PCDH9: variants seen among roughly 807,000 people sequenced by gnomAD.
PCDH9 encodes the protein protocadherin-9.
A neutral mutation model predicts 70.6 loss-of-function variants in PCDH9; 24 were observed. That is an observed-to-expected ratio of 0.34 (90% CI 0.25 to 0.48). The LOEUF (loss-of-function observed/expected upper bound fraction) is 0.48, where lower values mean the gene tolerates loss of function less well. Among genes scored for constraint, PCDH9 ranks in the 20% least tolerant of loss-of-function variants. PCDH9 has a pLI of 0.99. For missense variants in PCDH9, 1,281 were observed against 1,503.6 expected, an observed-to-expected ratio of 0.85 and a Z score of 2.45; for synonymous variants, 562 against 558.5, an observed-to-expected ratio of 1.01 and a Z score of -0.09.
intron 3 of PCDH9, among the ~76,000 whole-genome samples, chr13:66,817,378 CTCTT>C (rs1317752523): frequency 5.3e-5 from 8 of 152,174 alleles, no homozygotes; most frequent in Admixed American, 2.0e-4. Context: ...CCCTCTCATT[CTCTT>C]TCTGTTTGAT....
chr13:67,156,007 AG>A (rs1488702113), intron 2 of PCDH9, among the ~76,000 whole-genome samples: 1 of 152,068 alleles, frequency 6.6e-6, no homozygotes, highest in Non-Finnish European at 1.5e-5. Flanking sequence ...GCTCAAATAC[AG>A]TATCTTTAAG....
intron 4 of PCDH9, among the ~76,000 whole-genome samples, chr13:66,559,965 C>A: frequency 6.6e-6 from 1 of 151,560 alleles, no homozygotes; most frequent in Admixed American, 6.6e-5. Flanking sequence ...TAATGAATAT[C>A]TATCTTATTT....
chr13:66,656,723 T>G (rs1320025251), intron 3 of PCDH9, among the ~76,000 whole-genome samples: 2 of 152,198 alleles, frequency 1.3e-5, no homozygotes, highest in African/African-American at 2.4e-5. Context: ...AAGTGCTTCA[T>G]ATTCACTAGA....
intron 3 of PCDH9, among the ~76,000 whole-genome samples, chr13:66,651,337 T>C (rs899249376): frequency 6.6e-6 from 1 of 151,850 alleles, no homozygotes; most frequent in African/African-American, 2.4e-5. Context: ...TTACCACTGA[T>C]ACAACAGAAT....
At chr13:67,034,246 G>A (rs545849595) in intron 2 of PCDH9, among the ~76,000 whole-genome samples, 1 of 152,042 alleles carries the variant, frequency 6.6e-6, no homozygotes, top group East Asian at 1.9e-4. Flanking sequence ...GCCTCCCAAA[G>A]TGCTGGGATT....
chr13:67,188,279 A>G (rs2088813328), intron 2 of PCDH9, among the ~76,000 whole-genome samples: 1 of 152,148 alleles, frequency 6.6e-6, no homozygotes, highest in African/African-American at 2.4e-5. Flanking sequence ...TATAAAAGAT[A>G]TTTTATGTCA....
chr13:66,899,956 T>G (rs1307779992), intron 3 of PCDH9, among the ~76,000 whole-genome samples: 1 of 151,946 alleles, frequency 6.6e-6, no homozygotes, highest in East Asian at 1.9e-4. Flanking sequence ...GAAGGTAAAG[T>G]CTTTAGATTA....
chr13:66,976,864 C>T (rs1359191), intron 2 of PCDH9, among the ~76,000 whole-genome samples: 86,977 of 151,900 alleles, frequency 0.57, 26,492 homozygotes, highest in Middle Eastern at 0.72. Flanking sequence ...ATAGGACCAC[C>T]TTTATTATCA....
chr13:66,531,129 T>A (rs1163107305), intron 4 of PCDH9, among the ~76,000 whole-genome samples: 1 of 151,906 alleles, frequency 6.6e-6, no homozygotes, highest in African/African-American at 2.4e-5. Flanking sequence ...GTTTTAAATA[T>A]TTTTTGTGTT....
intron 3 of PCDH9, among the ~76,000 whole-genome samples, chr13:66,752,683 C>A (rs920211764): frequency 6.6e-6 from 1 of 152,090 alleles, no homozygotes; most frequent in African/African-American, 2.4e-5. Context: ...CAGAATTAAC[C>A]AGAGAGAGTG....
At chr13:66,929,891 T>C (rs1272224079) in intron 2 of PCDH9, among the ~76,000 whole-genome samples, 3 of 152,114 alleles carry the variant, frequency 2.0e-5, no homozygotes, top group African/African-American at 7.2e-5. Flanking sequence ...CTGAAAGAGA[T>C]ATTGAGCTCT....
At chr13:66,541,998 A>T (rs1354887207) in intron 4 of PCDH9, among the ~76,000 whole-genome samples, 1 of 152,090 alleles carries the variant, frequency 6.6e-6, no homozygotes, top group African/African-American at 2.4e-5. Flanking sequence ...AGTTCCTACA[A>T]TGTTTGTTTG....
chr13:66,346,999 G>T (rs540676854), intron 4 of PCDH9, among the ~76,000 whole-genome samples: 1 of 152,166 alleles, frequency 6.6e-6, no homozygotes, highest in African/African-American at 2.4e-5. Context: ...TTAAGATTAT[G>T]GGGATATATT....
chr13:67,172,438 G>A (rs1254646581), intron 2 of PCDH9, among the ~76,000 whole-genome samples: 4 of 152,068 alleles, frequency 2.6e-5, no homozygotes, highest in African/African-American at 9.7e-5. Context: ...TAACTAAATG[G>A]GGAGTAAGAT....
At chr13:66,633,397 A>G (rs146520586) in intron 3 of PCDH9, among the ~76,000 whole-genome samples, 45 of 152,256 alleles carry the variant, frequency 3.0e-4, no homozygotes, top group African/African-American at 1.1e-3. Context: ...TCATGCTACC[A>G]TGTTTATTTA....
intron 4 of PCDH9, among the ~76,000 whole-genome samples, chr13:66,600,764 ACGTG>A (rs1437342545): frequency 1.9e-5 from 1 of 51,320 alleles, no homozygotes; most frequent in Non-Finnish European, 5.0e-5. Flanking sequence ...CTAATTAAGA[ACGTG>A]TGTGTGTGTG....
chr13:66,319,895 A>G (rs1955722046), intron 4 of PCDH9, among the ~76,000 whole-genome samples: 2 of 152,140 alleles, frequency 1.3e-5, no homozygotes, highest in Non-Finnish European at 2.9e-5. Context: ...TAAATGGTCT[A>G]AACATAATTT....
intron 3 of PCDH9, among the ~76,000 whole-genome samples, chr13:66,775,964 C>G (rs1250403657): frequency 1.3e-5 from 2 of 152,108 alleles, no homozygotes; most frequent in Non-Finnish European, 2.9e-5. Context: ...AAAGGTGTTT[C>G]CATCCACCAT....
intron 2 of PCDH9, among the ~76,000 whole-genome samples, chr13:66,980,175 C>A (rs1219366486): frequency 7.9e-5 from 12 of 151,990 alleles, no homozygotes; most frequent in African/African-American, 2.9e-4. Context: ...TATTTCACTT[C>A]TTGATCTCAA....
Sources: gnomAD v4.1 joint callset for allele counts (sites outside exome capture counted in the v4.1 genomes callset) on GRCh38, gnomAD v4.1.1 for gene constraint, MANE v1.5 for transcripts, NCBI Gene and HGNC (gene_info 2026-07-23, HGNC 2026-07-21) for gene names.